CDC42BPB: variants seen among roughly 807,000 people sequenced by gnomAD.
The protein encoded by CDC42BPB is CDC42 binding protein kinase beta.
Under a neutral mutation model 214.9 loss-of-function variants are expected in CDC42BPB, and 37 were observed. The observed-to-expected ratio is 0.17, with a 90% CI of 0.13 to 0.23. CDC42BPB has a LOEUF of 0.23. CDC42BPB is among the 10% of genes least tolerant of loss of function. The pLI is 1.00. For missense variants in CDC42BPB, 1,694 were observed against 2,227.0 expected (o/e 0.76, Z 4.82); for synonymous variants, 931 against 884.0 (o/e 1.05, Z -0.94).
chr14:102,937,610 T>C (rs1891698196), intron 36 of CDC42BPB, among the ~76,000 whole-genome samples: 1 of 150,408 alleles, frequency 6.6e-6, no homozygotes, highest in South Asian at 2.2e-4. Context: ...CTCATCCCCA[T>C]TCCGCACAGG....
intron 26 of CDC42BPB, chr14:102,948,026 G>A: frequency 1.1e-6 from 1 of 943,396 alleles, no homozygotes; most frequent in South Asian, 4.9e-5. Flanking sequence ...GGAAACCCCG[G>A]AGCCTCATCC....
Position 102,933,707 on chromosome 14 carries a change from C to A in CDC42BPB, c.*5G>T, listed in dbSNP as rs767539948. On this transcript the variant is annotated 3_prime_UTR_variant, in exon 37 of 37. Transcript: ENST00000361246. Reference sequence around the variant, plus strand: ...CTCCCTGGCCCCTGTGGCGAGCTGGCGGCTTCAGGTGTCACAGGCCGGCTG... The same window carrying A: ...CTCCCTGGCCCCTGTGGCGAGCTGGAGGCTTCAGGTGTCACAGGCCGGCTG... 1.4e-5 allele frequency: 21 copies of A among 1,458,302 alleles called. No homozygotes were observed. The highest frequency in any genetic ancestry group is 3.0e-5 in the South Asian group (2 of 67,214). The allele number at this position is 1,458,302 out of a possible 1,614,324, so 90.3% of individuals were successfully genotyped here.
Position 102,967,158 on chromosome 14 carries a change from C to T in CDC42BPB, c.2359G>A (p.Val787Met), listed in dbSNP as rs753586356. ...CTATTTTGAGCTGTGAGTTTATCCA[C>T]AAAGGAACAGAGCTGAAATGAAACA... ...TAENEKLCSF[V>M]DKLTAQNRQL... The change falls in exon 17 of 37, where the codon GTG (valine) becomes ATG (methionine). Residue 787 changes from valine to methionine, a missense_variant. Transcript: ENST00000361246. 51 of 1,613,768 alleles carry T rather than the reference C, an allele frequency of 3.2e-5. No homozygotes were observed. In the Middle Eastern group the frequency reaches 4.9e-4, roughly 16 times the overall value.
chr14:103,038,395 G>A lies in CDC42BPB; in HGVS notation c.175+18604C>T, dbSNP rs111354848. Among the ~76,000 whole-genome samples, 790 of 151,814 alleles carry A rather than the reference G, an allele frequency of 5.2e-3. 11 individuals carry two copies. The highest frequency in any genetic ancestry group is 0.018 in the African/African-American group (731 of 41,400). On this transcript the variant is annotated intron_variant, in intron 1 of 36. Transcript: ENST00000361246. Reference sequence around the variant, plus strand: ...CAGCACTCCTTAATAGCCCCAAAGCGGGCAACCCAGATGTCCATCAGGAGT... The same window carrying A: ...CAGCACTCCTTAATAGCCCCAAAGCAGGCAACCCAGATGTCCATCAGGAGT...
At chr14:103,026,402 A>G (rs1887057705) in intron 1 of CDC42BPB, among the ~76,000 whole-genome samples, 2 of 152,120 alleles carry the variant, frequency 1.3e-5, no homozygotes, top group Admixed American at 1.3e-4. Context: ...AAACAAAACA[A>G]AACAAAACAA....
At chr14:103,007,234 C>G (rs1885881585) in intron 3 of CDC42BPB, among the ~76,000 whole-genome samples, 1 of 152,124 alleles carries the variant, frequency 6.6e-6, no homozygotes. Context: ...GTTCAGTGAG[C>G]AACAAATGGT....
At chr14:103,012,314 T>C in intron 1 of CDC42BPB, 126 bp from the exon 2 acceptor site, 1 of 1,453,066 alleles carries the variant, frequency 6.9e-7, no homozygotes, top group East Asian at 2.5e-5. Flanking sequence ...ATTTAATATC[T>C]GACATGTTTT....
In CDC42BPB at chr14:103,053,490, G is replaced by A. The variant is rs141808920; in HGVS notation, c.175+3509C>T. Among the ~76,000 whole-genome samples, 1,048 of 152,124 alleles carry A rather than the reference G, an allele frequency of 6.9e-3. 20 individuals are homozygous for A. The highest frequency in any genetic ancestry group is 0.044 in the Admixed American group (678 of 15,260). ...AAGTTGAAATGACTCGGCCAGGCAC[G>A]GTGGCTCACACCTGTAATCCAAGAA... On this transcript the variant is annotated intron_variant, in intron 1 of 36. Transcript: ENST00000361246.
In CDC42BPB at chr14:102,944,535, C is replaced by G. The variant is rs750432831; in HGVS notation, c.3812-48G>C. ...GTGAGGCCGACGGGACAGCCAGCAG[C>G]TCCCAGGGGCTGACGGCCTTGGCTA... On this transcript the variant is annotated intron_variant, in intron 29 of 36. Transcript: ENST00000361246. This position sits in a 1 kb window ranked among gnomAD's most constrained non-coding sequence, Gnocchi z 6.6. The G allele has an allele frequency of 1.5e-5, 23 of 1,571,682 alleles. No individual in the cohort carries two copies. The highest frequency in any genetic ancestry group is 1.9e-5 in the Non-Finnish European group (22 of 1,157,894).
At chr14:102,938,599 G>C (rs564030761) in intron 34 of CDC42BPB, 188 bp from the exon 35 acceptor site, 45 of 969,946 alleles carry the variant, frequency 4.6e-5, no homozygotes, top group African/African-American at 5.3e-5. Context: ...AGCAACTTCA[G>C]GGCAGGTCAA....
At chr14:103,052,363 G>A (rs751456735) in intron 1 of CDC42BPB, among the ~76,000 whole-genome samples, 9 of 152,138 alleles carry the variant, frequency 5.9e-5, no homozygotes, top group Non-Finnish European at 1.2e-4. Context: ...CCCATGTTAT[G>A]CAAATATTCT....
At chr14:102,993,370 T>C (rs1192631020) in intron 5 of CDC42BPB, among the ~76,000 whole-genome samples, 1 of 152,172 alleles carries the variant, frequency 6.6e-6, no homozygotes, top group African/African-American at 2.4e-5. Flanking sequence ...AATGAGCCGC[T>C]CCACATGGGA....
Position 102,943,804 on chromosome 14 carries a change from A to G in CDC42BPB, c.4408+87T>C. ...TGTGACTACTCAACTAAGGGACTGG[A>G]AGACAAACCAAAGCAAAATCGAACA... On this transcript the variant is annotated intron_variant, in intron 30 of 36. Coordinates refer to ENST00000361246, the MANE Select transcript of CDC42BPB (RefSeq NM_006035.4). The surrounding 1 kb of genome is among the most constrained non-coding windows in gnomAD (Gnocchi z 4.6). The G allele has an allele frequency of 7.9e-7, 1 of 1,258,486 alleles. No homozygotes were observed. Among genetic ancestry groups the G allele is most frequent in the Non-Finnish European group, 1.1e-6 (1 of 904,872 alleles). The allele number at this position is 1,258,486 out of a possible 1,614,324, so 78.0% of individuals were successfully genotyped here. A position where few individuals can be genotyped will look rare whatever the true frequency, so the allele number is the denominator to read the frequency against.
At position 102,967,004 on chromosome 14, in the gene CDC42BPB, C is replaced by G. The variant is rs759845361; in HGVS notation, c.2471+42G>C. ...GGCGGGGCAGACCCCATGGACTGAGCAGGGAGCGGATTCACGGCCGCTAAT... is the reference window on the plus strand; with the variant it reads ...GGCGGGGCAGACCCCATGGACTGAGGAGGGAGCGGATTCACGGCCGCTAAT... On this transcript the variant is annotated intron_variant, in intron 17 of 36. Transcript: ENST00000361246. 5.6e-6 allele frequency: 9 copies of G among 1,599,116 alleles called. 1 individual carries two copies. The South Asian group carries it at 1.0e-4, about 18-fold the overall frequency.
intron 1 of CDC42BPB, among the ~76,000 whole-genome samples, chr14:103,016,808 G>A (rs995833371): frequency 7.9e-6 from 1 of 126,298 alleles, no homozygotes; most frequent in Non-Finnish European, 1.7e-5. Flanking sequence ...CAGAGTCCTA[G>A]CTCTGTCTAC....
intron 18 of CDC42BPB, among the ~76,000 whole-genome samples, chr14:102,965,727 C>A (rs184631364): frequency 6.6e-6 from 1 of 152,102 alleles, no homozygotes. Context: ...GAGGCCGAAG[C>A]GGGCAGATCA....
chr14:102,932,925 C>A lies in CDC42BPB; in HGVS notation c.*787G>T, dbSNP rs796271130. On this transcript the variant is annotated 3_prime_UTR_variant, in exon 37 of 37. Transcript: ENST00000361246. ...GCGGGGTGGGGTATCCCAGTGGCTG[C>A]TTCGTGGCGCCCTGGGGCTCTGACT... 1 of 148,850 alleles carries A rather than the reference C, an allele frequency of 6.7e-6. No individual in the cohort carries two copies. The highest frequency in any genetic ancestry group is 2.5e-5 in the African/African-American group (1 of 39,668). The allele number at this position is 148,850 out of a possible 1,614,324, so 9.2% of individuals were successfully genotyped here. A position where few individuals can be genotyped will look rare whatever the true frequency, so the allele number is the denominator to read the frequency against.
In CDC42BPB at chr14:102,976,875, A is replaced by G. The variant is rs1476583517; in HGVS notation, c.1221-826T>C. ...CTGCAAGTGTGACAAGCATTTGGTG[A>G]GCTGGCATGTATTAGAAAGATCAAG... On this transcript the variant is annotated intron_variant, in intron 9 of 36. Coordinates refer to ENST00000361246, the MANE Select transcript of CDC42BPB (RefSeq NM_006035.4). Among the ~76,000 whole-genome samples the G allele has an allele frequency of 3.3e-5, 5 of 152,156 alleles. No individual in the cohort carries two copies. In the East Asian group the frequency reaches 7.7e-4, roughly 23 times the overall value.
At chr14:102,964,043 G>A (rs539440774) in intron 19 of CDC42BPB, among the ~76,000 whole-genome samples, 5 of 152,276 alleles carry the variant, frequency 3.3e-5, no homozygotes, top group East Asian at 1.9e-4. Context: ...TGGCGTTCTC[G>A]TTACTGCTTG....
Sources: allele counts gnomAD v4.1 joint callset (sites outside exome capture counted in the v4.1 genomes callset), GRCh38; gene constraint gnomAD v4.1.1; non-coding constraint Gnocchi (gnomAD v3.1); transcripts MANE v1.5; gene names NCBI Gene and HGNC (gene_info 2026-07-23, HGNC 2026-07-21).